CYP4X1: variants seen among roughly 807,000 people sequenced by gnomAD.
CYP4X1 encodes the protein cytochrome P450 4X1.
CYP4X1 carries 44 observed loss-of-function variants against 57.9 expected under a neutral mutation model. The ratio of observed to expected loss-of-function variants is 0.76; its 90% CI spans 0.60 to 0.98. The LOEUF is 0.98. Ranked by LOEUF, CYP4X1 falls within the 50% of genes least tolerant of loss-of-function variation. The pLI is 0.00. For synonymous variants in CYP4X1, 227 were observed against 228.6 expected (o/e 0.99, Z 0.06); for missense variants, 532 against 623.9 (o/e 0.85, Z 1.57).
chr1:46,968,220 C>T, the CYP4X1 span, among the ~76,000 whole-genome samples: 1 of 152,134 alleles, frequency 6.6e-6, no homozygotes, highest in African/African-American at 2.4e-5. Flanking sequence ...TTCTGCCTCC[C>T]CTTACTCCTT....
At position 47,036,045 on chromosome 1, in the gene CYP4X1, T is replaced by A. The variant is rs1644177118; in HGVS notation, c.649T>A (p.Phe217Ile). The A allele has an allele frequency of 6.2e-7, 1 of 1,613,568 alleles. No homozygotes were observed. The highest frequency in any genetic ancestry group is 8.5e-7 in the Non-Finnish European group (1 of 1,179,618). Residue 217 changes from phenylalanine (F) to isoleucine (I), a missense_variant, in exon 6 of 12, where the codon TTT (phenylalanine) becomes ATT (isoleucine). By Grantham distance (21) the Phe-to-Ile change is conservative (BLOSUM62 0). Transcript: ENST00000371901. ...STHDPYAKAIFELSKIIFHRL... is the reference protein window; with the variant it reads ...STHDPYAKAIIELSKIIFHRL... ...CCATGATCCTTATGCAAAAGCCATA[T>A]TTGAACTCAGCAAAATCATATTTCA...
upstream of CYP4X1, among the ~76,000 whole-genome samples, chr1:47,021,222 G>A (rs911095831): frequency 6.9e-6 from 1 of 145,390 alleles, no homozygotes; most frequent in Non-Finnish European, 1.5e-5. Flanking sequence ...TTGAGTTGTA[G>A]CAAGTATCAA....
the CYP4X1 span, among the ~76,000 whole-genome samples, chr1:46,971,294 G>A: frequency 2.2e-4 from 34 of 152,262 alleles, no homozygotes; most frequent in East Asian, 6.6e-3. Context: ...TGGTGTATGT[G>A]TACCACATTT....
intron 8 of CYP4X1, among the ~76,000 whole-genome samples, chr1:47,041,494 G>A (rs943028124): frequency 6.6e-6 from 1 of 152,086 alleles, no homozygotes; most frequent in African/African-American, 2.4e-5. Flanking sequence ...ATGAGGTGAT[G>A]TCTCATTATG....
the CYP4X1 span, among the ~76,000 whole-genome samples, chr1:46,964,795 G>A: frequency 6.6e-6 from 1 of 152,182 alleles, no homozygotes; most frequent in Non-Finnish European, 1.5e-5. Flanking sequence ...AGTCTGCAGA[G>A]GTTTCTGCTG....
intron 10 of CYP4X1, among the ~76,000 whole-genome samples, 200 bp from the exon 11 acceptor site, chr1:47,049,222 G>A (rs547872705): frequency 6.6e-6 from 1 of 152,280 alleles, no homozygotes; most frequent in South Asian, 2.1e-4. Context: ...TATTTATATT[G>A]ATTACAGGTT....
At chr1:47,045,358 T>C (rs1435274259) in intron 8 of CYP4X1, among the ~76,000 whole-genome samples, 1 of 152,224 alleles carries the variant, frequency 6.6e-6, no homozygotes, top group Non-Finnish European at 1.5e-5. Flanking sequence ...CTTCCACTTA[T>C]AAACTTTAAA....
At chr1:47,048,438 G>C in intron 9 of CYP4X1, 127 bp from the exon 10 acceptor site, 1 of 999,016 alleles carries the variant, frequency 1.0e-6, no homozygotes, top group Non-Finnish European at 1.6e-6. Context: ...GGTGTCATCA[G>C]CTACAGCAGG....
chr1:47,048,903 A>G (rs1430537674), intron 10 of CYP4X1, among the ~76,000 whole-genome samples: 2 of 152,256 alleles, frequency 1.3e-5, no homozygotes, highest in Non-Finnish European at 2.9e-5. Flanking sequence ...AATTGGCCAC[A>G]TCATCATTTT....
chr1:47,014,502 C>T, the CYP4X1 span, among the ~76,000 whole-genome samples: 1 of 152,212 alleles, frequency 6.6e-6, no homozygotes, highest in Non-Finnish European at 1.5e-5. Flanking sequence ...GACACTTCTC[C>T]ATACCTCCTT....
chr1:47,022,764 CTT>C (rs1476273037), upstream of CYP4X1, among the ~76,000 whole-genome samples: 2 of 152,004 alleles, frequency 1.3e-5, no homozygotes, highest in African/African-American at 2.4e-5. Flanking sequence ...TCAATGAACA[CTT>C]AACATATGCC....
At chr1:47,044,837 T>TC (rs397862414) in intron 8 of CYP4X1, among the ~76,000 whole-genome samples, 128 of 152,110 alleles carry the variant, frequency 8.4e-4, no homozygotes, top group African/African-American at 2.9e-3. Context: ...TTTTTTTTTT[T>TC]CTGAGACCGA....
the CYP4X1 span, among the ~76,000 whole-genome samples, chr1:46,965,777 T>C: frequency 6.6e-6 from 1 of 152,252 alleles, no homozygotes; most frequent in African/African-American, 2.4e-5. Flanking sequence ...CTGGACCATT[T>C]GTATTCTCTA....
chr1:46,975,178 G>A, the CYP4X1 span, among the ~76,000 whole-genome samples: 1 of 152,116 alleles, frequency 6.6e-6, no homozygotes, highest in Non-Finnish European at 1.5e-5. Context: ...TTACGTTCAA[G>A]GTTAATATTG....
chr1:47,021,892 C>A (rs1644001193), upstream of CYP4X1, among the ~76,000 whole-genome samples: 1 of 152,114 alleles, frequency 6.6e-6, no homozygotes, highest in Non-Finnish European at 1.5e-5. Flanking sequence ...ATTCCTCGGT[C>A]TCATGAAGAA....
the CYP4X1 span, among the ~76,000 whole-genome samples, chr1:46,976,205 G>A: frequency 2.0e-5 from 3 of 152,186 alleles, no homozygotes; most frequent in Admixed American, 6.5e-5. Flanking sequence ...AAGGGAAGCC[G>A]TGACAGGCTG....
chr1:46,984,577 G>A, the CYP4X1 span, among the ~76,000 whole-genome samples: 2 of 152,028 alleles, frequency 1.3e-5, no homozygotes, highest in Non-Finnish European at 2.9e-5. Flanking sequence ...GCAGGATGGG[G>A]TGTCATCTCA....
chr1:46,969,394 C>T, the CYP4X1 span, among the ~76,000 whole-genome samples: 3 of 152,134 alleles, frequency 2.0e-5, no homozygotes, highest in African/African-American at 7.2e-5. Context: ...CAAGAGTGGT[C>T]TAATGGAACT....
intron 2 of CYP4X1, among the ~76,000 whole-genome samples, chr1:47,030,339 G>A (rs893040696): frequency 2.0e-5 from 3 of 152,130 alleles, no homozygotes; most frequent in East Asian, 1.9e-4. Flanking sequence ...GCATGGGCAC[G>A]TTGAAGTCGG....
Sources: allele counts gnomAD v4.1 joint callset (sites outside exome capture counted in the v4.1 genomes callset), GRCh38; gene constraint gnomAD v4.1.1; transcripts MANE v1.5; gene names NCBI Gene and HGNC (gene_info 2026-07-23, HGNC 2026-07-21).